CTNNA3: variants seen among roughly 807,000 people sequenced by gnomAD.
CTNNA3 encodes catenin alpha 3.
Under a neutral mutation model 95.7 loss-of-function variants are expected in CTNNA3, and 76 were observed. That is an observed-to-expected ratio of 0.79 (90% confidence interval 0.66 to 0.96). The LOEUF is 0.96. Among genes scored for constraint, CTNNA3 ranks in the 40% least tolerant of loss-of-function variants. The probability of loss-of-function intolerance (pLI) is 0.00; values close to 1 mark genes in which losing one functional copy is unlikely to be tolerated. For synonymous variants in CTNNA3, 431 were observed against 374.4 expected, an observed-to-expected ratio of 1.15 and a Z score of -1.74; for missense variants, 1,191 against 1,089.8, an observed-to-expected ratio of 1.09 and a Z score of -1.31.
At chr10:67,632,126 C>CCG (rs1839161859) in intron 2 of CTNNA3, among the ~76,000 whole-genome samples, 1 of 138,964 alleles carries the variant, frequency 7.2e-6, no homozygotes, top group African/African-American at 2.7e-5. Flanking sequence ...AGTGTCTTAG[C>CCG]CACACACACA....
chr10:67,288,598 TAAC>T (rs1839700385), intron 5 of CTNNA3, among the ~76,000 whole-genome samples: 1 of 152,082 alleles, frequency 6.6e-6, no homozygotes, highest in Admixed American at 6.6e-5. Flanking sequence ...TCTTTAACAA[TAAC>T]AACAATAAAA....
At chr10:66,309,298 T>C (rs1179601339) in intron 12 of CTNNA3, among the ~76,000 whole-genome samples, 1 of 152,166 alleles carries the variant, frequency 6.6e-6, no homozygotes, top group African/African-American at 2.4e-5. Flanking sequence ...TTGAAATCAT[T>C]ATGTGCCATC....
At chr10:66,484,314 T>C (rs577170771) in intron 11 of CTNNA3, among the ~76,000 whole-genome samples, 1 of 151,966 alleles carries the variant, frequency 6.6e-6, no homozygotes, top group Non-Finnish European at 1.5e-5. Flanking sequence ...TTAAAACTGT[T>C]CCAAATTTTC....
At chr10:67,236,046 C>A (rs1305526247) in intron 5 of CTNNA3, among the ~76,000 whole-genome samples, 3 of 144,198 alleles carry the variant, frequency 2.1e-5, no homozygotes, top group South Asian at 2.2e-4. Flanking sequence ...AATAGGAACA[C>A]TTTTACACTG....
chr10:66,753,450 G>A (rs1451698078), intron 9 of CTNNA3, among the ~76,000 whole-genome samples: 1 of 152,010 alleles, frequency 6.6e-6, no homozygotes, highest in Non-Finnish European at 1.5e-5. Context: ...GTCACCTGAG[G>A]TCAGGAGTTC....
chr10:67,091,929 AC>A (rs1482419120), intron 7 of CTNNA3, among the ~76,000 whole-genome samples: 3 of 152,212 alleles, frequency 2.0e-5, no homozygotes, highest in Admixed American at 2.0e-4. Flanking sequence ...AATATCATTA[AC>A]TAGAAGAAGA....
At chr10:67,445,204 A>G (rs1473262291) in intron 5 of CTNNA3, among the ~76,000 whole-genome samples, 1 of 152,044 alleles carries the variant, frequency 6.6e-6, no homozygotes, top group African/African-American at 2.4e-5. Context: ...TACAACAAAT[A>G]CACACACAAA....
chr10:66,598,371 C>A (rs2034006772), intron 10 of CTNNA3, among the ~76,000 whole-genome samples: 1 of 152,016 alleles, frequency 6.6e-6, no homozygotes, highest in Non-Finnish European at 1.5e-5. Context: ...TGCCCATTCT[C>A]ATCAGTTCTA....
chr10:66,690,985 T>C (rs1323755149), intron 9 of CTNNA3, among the ~76,000 whole-genome samples: 1 of 152,222 alleles, frequency 6.6e-6, no homozygotes, highest in Non-Finnish European at 1.5e-5. Context: ...CCAGCCAAGA[T>C]GGCCGAATAG....
intron 11 of CTNNA3, among the ~76,000 whole-genome samples, chr10:66,406,272 A>T (rs2093056526): frequency 6.6e-6 from 1 of 152,176 alleles, no homozygotes; most frequent in Admixed American, 6.6e-5. Flanking sequence ...TGAAGAAGTG[A>T]TGATTGAGAT....
chr10:66,165,211 A>G (rs1426256217), intron 13 of CTNNA3, among the ~76,000 whole-genome samples: 1 of 152,168 alleles, frequency 6.6e-6, no homozygotes, highest in African/African-American at 2.4e-5. Flanking sequence ...TGAGAGCTAA[A>G]TAATAGGTTT....
chr10:67,217,743 T>A (rs1589877341), intron 6 of CTNNA3, among the ~76,000 whole-genome samples: 1 of 152,208 alleles, frequency 6.6e-6, no homozygotes, highest in East Asian at 1.9e-4. Context: ...TTGTCTGAGA[T>A]AAACTGGAGC....
At chr10:66,684,534 GT>G (rs1427813161) in intron 9 of CTNNA3, among the ~76,000 whole-genome samples, 1 of 152,066 alleles carries the variant, frequency 6.6e-6, no homozygotes, top group Non-Finnish European at 1.5e-5. Context: ...AATAGGCTTA[GT>G]GCTTTCTTTT....
At chr10:66,679,018 T>C (rs942797058) in intron 9 of CTNNA3, among the ~76,000 whole-genome samples, 2 of 152,178 alleles carry the variant, frequency 1.3e-5, no homozygotes, top group African/African-American at 4.8e-5. Flanking sequence ...TGGTGACTCA[T>C]TAAAAGGTTT....
intron 9 of CTNNA3, among the ~76,000 whole-genome samples, chr10:66,638,089 G>A (rs1013669511): frequency 6.6e-6 from 1 of 152,088 alleles, no homozygotes; most frequent in Non-Finnish European, 1.5e-5. Context: ...TGTCAGCTGC[G>A]TCACTTCTCA....
intron 13 of CTNNA3, among the ~76,000 whole-genome samples, chr10:66,107,174 CA>C (rs2081946900): frequency 6.6e-6 from 1 of 152,048 alleles, no homozygotes; most frequent in African/African-American, 2.4e-5. Flanking sequence ...GAAGAGAGCC[CA>C]TTTTTTCAGA....
At chr10:67,732,747 T>C (rs1191265881) in intron 1 of CTNNA3, among the ~76,000 whole-genome samples, 1 of 152,216 alleles carries the variant, frequency 6.6e-6, no homozygotes, top group East Asian at 1.9e-4. Context: ...CATTAGTTTC[T>C]CATTATTTTT....
At chr10:66,607,428 A>G (rs1222981390) in intron 10 of CTNNA3, among the ~76,000 whole-genome samples, 2 of 139,814 alleles carry the variant, frequency 1.4e-5, no homozygotes, top group Admixed American at 1.5e-4. Context: ...AACTCATTCT[A>G]TGAGGCTACC....
chr10:67,546,286 C>G (rs1050991864), intron 3 of CTNNA3, among the ~76,000 whole-genome samples: 1 of 151,998 alleles, frequency 6.6e-6, no homozygotes, highest in South Asian at 2.1e-4. Flanking sequence ...TATGCATCAC[C>G]AAACCCAATT....
Sources: allele counts gnomAD v4.1 joint callset (sites outside exome capture counted in the v4.1 genomes callset), GRCh38; gene constraint gnomAD v4.1.1; transcripts MANE v1.5; gene names NCBI Gene and HGNC (gene_info 2026-07-23, HGNC 2026-07-21).